Variants in RBFOX1 observed in about 807,000 individuals in gnomAD.
The protein encoded by RBFOX1 is RNA binding protein fox-1 homolog 1.
A neutral mutation model predicts 57.7 loss-of-function variants in RBFOX1; 8 were observed. That is an observed-to-expected ratio of 0.14 (90% CI 0.08 to 0.25). The LOEUF is 0.25. Among genes scored for constraint, RBFOX1 ranks in the 10% least tolerant of loss-of-function variants. The probability of loss-of-function intolerance (pLI) is 1.00; values close to 1 mark genes in which losing one functional copy is unlikely to be tolerated. For synonymous variants in RBFOX1, 326 were observed against 222.4 expected, an observed-to-expected ratio of 1.47 and a Z score of -4.15; for missense variants, 611 against 548.5, an observed-to-expected ratio of 1.11 and a Z score of -1.14.
chr16:5,834,842 C>G (rs1018168303), intron 3 of RBFOX1, among the ~76,000 whole-genome samples: 1 of 151,446 alleles, frequency 6.6e-6, no homozygotes, highest in Non-Finnish European at 1.5e-5. Flanking sequence ...AGACAGATTT[C>G]TTTTCCATTG....
At chr16:5,425,112 TC>T (rs1794893529) in intron 1 of RBFOX1, among the ~76,000 whole-genome samples, 2 of 145,308 alleles carry the variant, frequency 1.4e-5, no homozygotes, top group African/African-American at 5.2e-5. Flanking sequence ...TATCTATCTA[TC>T]TATCTATCTT....
intron 9 of RBFOX1, among the ~76,000 whole-genome samples, chr16:7,603,473 A>G (rs2095143467): frequency 1.3e-5 from 2 of 152,192 alleles, no homozygotes; most frequent in African/African-American, 4.8e-5. Context: ...ATTAACGGCA[A>G]TGCAGAAAAT....
chr16:6,559,488 T>A (rs771237365), intron 2 of RBFOX1, among the ~76,000 whole-genome samples: 2 of 151,896 alleles, frequency 1.3e-5, no homozygotes, highest in Non-Finnish European at 2.9e-5. Flanking sequence ...GAACTATGCA[T>A]TTTTTGAGAA....
At chr16:5,740,823 T>G (rs998874265) in intron 3 of RBFOX1, among the ~76,000 whole-genome samples, 1 of 152,152 alleles carries the variant, frequency 6.6e-6, no homozygotes, top group African/African-American at 2.4e-5. Flanking sequence ...TTAGTATGTC[T>G]TGTGGCGTCT....
rs144489135 is a variant in RBFOX1 at position 6,794,801 on chromosome 16, G to A, written c.-16+140151G>A. On this transcript the variant is annotated intron_variant, in intron 3 of 15. Transcript: ENST00000550418. ...TTAATGTTTTCTTTCAGTAGCAGAT[G>A]GTACATGGATTTTTATTTGATGCAG... 6.1e-3 allele frequency among the ~76,000 whole-genome samples: 931 copies of A among 152,174 alleles called. 9 individuals are homozygous for A. Among genetic ancestry groups the A allele is most frequent in the Non-Finnish European group, 7.9e-3 (539 of 68,008 alleles).
In RBFOX1 at chr16:6,414,913, A is replaced by G. The variant is rs144607023; in HGVS notation, c.-64+97856A>G. On this transcript the variant is annotated intron_variant, in intron 2 of 15. Transcript: ENST00000550418. ...TCCTGCAAGGCATGGGGTAGGATGC[A>G]GAGCAAAGAATGAACCGGTCCCAAT... Among the ~76,000 whole-genome samples, 329 of 152,288 alleles carry G rather than the reference A, an allele frequency of 2.2e-3. 1 individual carries two copies. Among genetic ancestry groups the G allele is most frequent in the Middle Eastern group, 0.014 (4 of 294 alleles).
rs555383029 is a variant in RBFOX1, at chr16:6,114,081, G to A, written c.-127+94089G>A. Among the ~76,000 whole-genome samples, 10 of 152,286 alleles carry A rather than the reference G, an allele frequency of 6.6e-5. No homozygotes were observed. In the South Asian group the frequency reaches 1.9e-3, roughly 28 times the overall value. Reference sequence around the variant, plus strand: ...TAGTTGTCAATCTCTAGATAGGTATGTTCTCATTATTTTTTTTCTCCCTTC... The same window carrying A: ...TAGTTGTCAATCTCTAGATAGGTATATTCTCATTATTTTTTTTCTCCCTTC... On this transcript the variant is annotated intron_variant, in intron 1 of 15. Coordinates refer to ENST00000550418, the MANE Select transcript of RBFOX1 (RefSeq NM_018723.4).
intron 1 of RBFOX1, among the ~76,000 whole-genome samples, chr16:6,074,667 G>A (rs2095874899): frequency 6.6e-6 from 1 of 152,214 alleles, no homozygotes; most frequent in Non-Finnish European, 1.5e-5. Flanking sequence ...AGGAAGTCAA[G>A]TGAGGGTCAG....
chr16:6,267,511 T>TC (rs2074668836), intron 1 of RBFOX1, among the ~76,000 whole-genome samples: 2 of 152,168 alleles, frequency 1.3e-5, no homozygotes, highest in Non-Finnish European at 1.5e-5. Flanking sequence ...TCCAGTTGAT[T>TC]CCTTTGTGAA....
intron 1 of RBFOX1, among the ~76,000 whole-genome samples, chr16:6,061,635 AATTT>A (rs1465720854): frequency 6.6e-6 from 1 of 152,020 alleles, no homozygotes. Context: ...TATTTTCAGA[AATTT>A]ATTCTTAACA....
At chr16:6,632,736 G>C (rs1332692010) in intron 2 of RBFOX1, among the ~76,000 whole-genome samples, 1 of 152,216 alleles carries the variant, frequency 6.6e-6, no homozygotes, top group African/African-American at 2.4e-5. Flanking sequence ...TATTGATAAA[G>C]CTTAAGCAGC....
chr16:5,731,017 A>G (rs1047820281), intron 3 of RBFOX1, among the ~76,000 whole-genome samples: 1 of 147,442 alleles, frequency 6.8e-6, no homozygotes, highest in Admixed American at 6.7e-5. Flanking sequence ...ATTATCACCA[A>G]TGTAACCGTC....
At chr16:6,623,035 C>T (rs759273865) in intron 2 of RBFOX1, among the ~76,000 whole-genome samples, 38 of 152,312 alleles carry the variant, frequency 2.5e-4, no homozygotes, top group Admixed American at 4.6e-4. Context: ...GCCTCTTTGG[C>T]AAAAGACCTT....
chr16:5,520,311 G>T (rs1479072520), intron 2 of RBFOX1, among the ~76,000 whole-genome samples: 1 of 152,186 alleles, frequency 6.6e-6, no homozygotes, highest in Non-Finnish European at 1.5e-5. Flanking sequence ...AGGAATCTCA[G>T]CTTGAAATGG....
chr16:6,670,594 A>T (rs891742453), intron 3 of RBFOX1, among the ~76,000 whole-genome samples: 1 of 152,220 alleles, frequency 6.6e-6, no homozygotes, highest in Non-Finnish European at 1.5e-5. Flanking sequence ...GTGGTATGAA[A>T]ATGCAAATTA....
intron 3 of RBFOX1, among the ~76,000 whole-genome samples, chr16:5,618,424 A>G (rs2048110435): frequency 6.6e-6 from 1 of 151,874 alleles, no homozygotes; most frequent in South Asian, 2.1e-4. Flanking sequence ...TGCAAGCTCC[A>G]CCCACCAGGT....
At chr16:6,292,702 A>T (rs1038529602) in intron 1 of RBFOX1, among the ~76,000 whole-genome samples, 23 of 152,270 alleles carry the variant, frequency 1.5e-4, no homozygotes, top group African/African-American at 5.5e-4. Flanking sequence ...CACATTGTCA[A>T]AAAGTCATTG....
chr16:6,778,350 A>C (rs1462276090), intron 3 of RBFOX1, among the ~76,000 whole-genome samples: 1 of 152,180 alleles, frequency 6.6e-6, no homozygotes, highest in Non-Finnish European at 1.5e-5. Context: ...TCGATAATTA[A>C]AACTCATAGC....
intron 1 of RBFOX1, among the ~76,000 whole-genome samples, chr16:6,073,033 T>C (rs2095855467): frequency 6.6e-6 from 1 of 152,218 alleles, no homozygotes; most frequent in Non-Finnish European, 1.5e-5. Flanking sequence ...AGTGTATTTA[T>C]GGACATATCT....
Sources: gnomAD v4.1 joint callset for allele counts (sites outside exome capture counted in the v4.1 genomes callset) on GRCh38, gnomAD v4.1.1 for gene constraint, MANE v1.5 for transcripts, NCBI Gene and HGNC (gene_info 2026-07-23, HGNC 2026-07-21) for gene names.